ZNF609: variants seen among roughly 807,000 people sequenced by gnomAD.
ZNF609 encodes zinc finger protein 609.
A neutral mutation model predicts 109.5 loss-of-function variants in ZNF609; 11 were observed. The observed-to-expected ratio is 0.10, with a 90% CI of 0.06 to 0.17. ZNF609 has a LOEUF of 0.17. Among genes scored for constraint, ZNF609 ranks in the 10% least tolerant of loss-of-function variants. The probability of loss-of-function intolerance (pLI) is 1.00; values close to 1 mark genes in which losing one functional copy is unlikely to be tolerated. For synonymous variants in ZNF609, 646 were observed against 662.0 expected (o/e 0.98, Z 0.37); for missense variants, 1,559 against 1,772.4 (o/e 0.88, Z 2.16).
rs531132528 is a variant in ZNF609 at position 64,553,590 on chromosome 15, TTTTTA to T, written c.747+53441_747+53445del. Among the ~76,000 whole-genome samples, 1,174 of 151,358 alleles carry T rather than the reference TTTTTA, an allele frequency of 7.8e-3. 20 individuals carry two copies. The highest frequency in any genetic ancestry group is 0.027 in the African/African-American group (1,127 of 41,402). Reference sequence around the variant, plus strand: ...TTTTTAATTTTATTTTTTATTTTTATTTTTATTTTATTTTATTTTATCTTGTGAGA... The same window carrying T: ...TTTTTAATTTTATTTTTTATTTTTATTTTTATTTTATTTTATCTTGTGAGA... On this transcript the variant is annotated intron_variant, in intron 2 of 9. Coordinates refer to ENST00000326648, the MANE Select transcript of ZNF609 (RefSeq NM_015042.2).
intron 3 of ZNF609, among the ~76,000 whole-genome samples, chr15:64,649,956 G>C (rs143813849): frequency 6.6e-6 from 1 of 151,914 alleles, no homozygotes; most frequent in Admixed American, 6.6e-5. Context: ...GCAGTCATAG[G>C]GACACACTTT....
Position 64,607,895 on chromosome 15 carries a change from CTTTTT to C in ZNF609, c.748-14915_748-14911del, listed in dbSNP as rs71133457. Among the ~76,000 whole-genome samples, 4 of 12,258 alleles carry C rather than the reference CTTTTT, an allele frequency of 3.3e-4. 1 individual carries two copies. Among genetic ancestry groups the C allele is most frequent in the Non-Finnish European group, 9.1e-4 (4 of 4,416 alleles). The allele number at this position is 12,258 out of a possible 152,430, so 8.0% of individuals were successfully genotyped here. A position where few individuals can be genotyped will look rare whatever the true frequency, so the allele number is the denominator to read the frequency against. On this transcript the variant is annotated intron_variant, in intron 2 of 9. Transcript: ENST00000326648. ...TCTTTCTTTCTTCTTTCTTTTCTTT[CTTTTT>C]TTTTTTTTTTTTTTTTGAGACAGAG...
chr15:64,579,710 A>AC (rs1178816572), intron 2 of ZNF609, among the ~76,000 whole-genome samples: 2 of 21,246 alleles, frequency 9.4e-5, no homozygotes, highest in Non-Finnish European at 9.9e-4. Context: ...ACAAACAAAC[A>AC]AAAAAAAAAA....
rs149241970 is a variant in ZNF609 at position 64,478,155 on chromosome 15, GGTGTGTGTGTGTGTGTGTGT to G, written c.-128+17340_-128+17359del. ...TTTTCATATTTAATTTTAGAATAAA[GGTGTGTGTGTGTGTGTGTGT>G]GTGTGTGTGTGTGTGTGTGTGTCTG... is the stretch of plus-strand genomic sequence containing the variant. On this transcript the variant is annotated intron_variant, in intron 1 of 9. Transcript: ENST00000326648. Among the ~76,000 whole-genome samples the G allele has an allele frequency of 6.3e-3, 872 of 138,304 alleles. 6 individuals are homozygous for G. The highest frequency in any genetic ancestry group is 0.02 in the African/African-American group (767 of 37,848). The allele number at this position is 138,304 out of a possible 152,430, so 90.7% of individuals were successfully genotyped here.
intron 1 of ZNF609, among the ~76,000 whole-genome samples, chr15:64,491,767 C>A (rs1409201471): frequency 6.6e-6 from 1 of 151,798 alleles, no homozygotes; most frequent in Non-Finnish European, 1.5e-5. Context: ...ATCGCTTGAA[C>A]CCAGGAGGTG....
intron 2 of ZNF609, among the ~76,000 whole-genome samples, chr15:64,592,101 G>C (rs1567023296): frequency 1.3e-5 from 2 of 151,668 alleles, no homozygotes; most frequent in South Asian, 2.1e-4. Flanking sequence ...GGGGGTCAAG[G>C]CTGTAGTGAG....
At chr15:64,642,999 T>C (rs1385870202) in intron 3 of ZNF609, among the ~76,000 whole-genome samples, 1 of 152,192 alleles carries the variant, frequency 6.6e-6, no homozygotes, top group Non-Finnish European at 1.5e-5. Context: ...TTTCTCTACA[T>C]CTCTGGTTTG....
intron 2 of ZNF609, chr15:64,529,542 C>T: frequency 4.6e-6 from 6 of 1,291,976 alleles, no homozygotes; most frequent in Non-Finnish European, 6.6e-6. Flanking sequence ...ACATGTAGAC[C>T]ATGTAGTTGA....
chr15:64,648,551 A>G (rs1595751876), intron 3 of ZNF609, among the ~76,000 whole-genome samples: 1 of 152,240 alleles, frequency 6.6e-6, no homozygotes, highest in East Asian at 1.9e-4. Context: ...TTCAGATCCT[A>G]GCTTTTGCAT....
At chr15:64,492,452 A>G (rs576566974) in intron 1 of ZNF609, among the ~76,000 whole-genome samples, 4 of 152,326 alleles carry the variant, frequency 2.6e-5, no homozygotes, top group African/African-American at 9.6e-5. Flanking sequence ...TGCCTTGTGA[A>G]AGGTAGAACC....
chr15:64,668,458 A>G (rs76509716), intron 3 of ZNF609, among the ~76,000 whole-genome samples: 1 of 152,222 alleles, frequency 6.6e-6, no homozygotes, highest in Non-Finnish European at 1.5e-5. Flanking sequence ...ACTGAATATT[A>G]TATTTAATGG....
intron 3 of ZNF609, among the ~76,000 whole-genome samples, chr15:64,662,809 G>A (rs538513592): frequency 1.3e-5 from 2 of 152,160 alleles, no homozygotes; most frequent in South Asian, 2.1e-4. Flanking sequence ...GGGATTACAG[G>A]CACGCGCCAC....
chr15:64,629,066 A>C (rs1896021956), intron 3 of ZNF609, among the ~76,000 whole-genome samples: 1 of 152,148 alleles, frequency 6.6e-6, no homozygotes, highest in Non-Finnish European at 1.5e-5. Context: ...TTTATTCTTG[A>C]AACTCTCCTC....
At chr15:64,651,788 C>T (rs931385007) in intron 3 of ZNF609, among the ~76,000 whole-genome samples, 5 of 152,210 alleles carry the variant, frequency 3.3e-5, no homozygotes, top group Non-Finnish European at 7.3e-5. Context: ...AGGGAGCAGG[C>T]CTGGTTAGAG....
intron 1 of ZNF609, among the ~76,000 whole-genome samples, chr15:64,480,130 CAG>C (rs966066460): frequency 1.3e-5 from 2 of 151,498 alleles, no homozygotes; most frequent in African/African-American, 4.9e-5. Context: ...CCCAGCTCCT[CAG>C]GGGGTCTGAG....
chr15:64,516,416 G>A (rs537152162), intron 2 of ZNF609, among the ~76,000 whole-genome samples: 1 of 152,158 alleles, frequency 6.6e-6, no homozygotes, highest in Admixed American at 6.5e-5. Flanking sequence ...CTGTTGCCCA[G>A]GCTGGAGTGC....
At chr15:64,669,121 A>C (rs2141010503) in intron 3 of ZNF609, among the ~76,000 whole-genome samples, 1 of 152,254 alleles carries the variant, frequency 6.6e-6, no homozygotes, top group African/African-American at 2.4e-5. Flanking sequence ...TATATGAATG[A>C]GTATGTCCTC....
intron 3 of ZNF609, among the ~76,000 whole-genome samples, chr15:64,655,112 T>C (rs1372117008): frequency 8.2e-6 from 1 of 122,090 alleles, no homozygotes; most frequent in African/African-American, 3.2e-5. Flanking sequence ...AAAAAAAGTA[T>C]AGCACCAAGT....
intron 2 of ZNF609, among the ~76,000 whole-genome samples, chr15:64,532,263 C>T (rs1031317331): frequency 1.3e-5 from 2 of 152,138 alleles, no homozygotes; most frequent in African/African-American, 2.4e-5. Context: ...TTTATCCTAT[C>T]CCATTATTTT....
Sources: gnomAD v4.1 joint callset for allele counts (sites outside exome capture counted in the v4.1 genomes callset) on GRCh38, gnomAD v4.1.1 for gene constraint, MANE v1.5 for transcripts, NCBI Gene and HGNC (gene_info 2026-07-23, HGNC 2026-07-21) for gene names.